KCNH4: variants seen among roughly 807,000 people sequenced by gnomAD.
KCNH4 encodes the protein potassium voltage-gated channel subfamily H member 4.
In KCNH4, 33 loss-of-function variants were observed where a neutral mutation model predicts 90.7. That is an observed-to-expected ratio of 0.36 (90% CI 0.28 to 0.49). The LOEUF (loss-of-function observed/expected upper bound fraction) is 0.49. Ranked by LOEUF, KCNH4 falls within the 20% of genes least tolerant of loss-of-function variation. The pLI, the probability that KCNH4 is intolerant of heterozygous loss-of-function variation, is 0.98. For missense variants in KCNH4, 1,044 were observed against 1,387.1 expected, an observed-to-expected ratio of 0.75 and a Z score of 3.93; for synonymous variants, 551 against 581.7, an observed-to-expected ratio of 0.95 and a Z score of 0.76.
chr17:42,165,665 G>A lies in KCNH4; in HGVS notation c.1869C>T (p.Ile623=), dbSNP rs373847382. 23 of 1,614,048 alleles carry A rather than the reference G, an allele frequency of 1.4e-5. No homozygotes were observed. In the Admixed American group the frequency reaches 3.5e-4, roughly 25 times the overall value. The part of the protein sequence containing the change: ...LGKGDLIGAD[I]PEPGQEPGLG... ...ACCCAGGCTCCTGCCCCGGCTCAGG[G>A]ATATCTGCTCCAATCAGGTCCCCCT... Residue 623 remains isoleucine (I), a synonymous_variant, in exon 11 of 17, where the codon ATC becomes ATT. Transcript: ENST00000264661.
intron 16 of KCNH4, among the ~76,000 whole-genome samples, chr17:42,158,510 G>A (rs1458910413): frequency 8.2e-5 from 12 of 145,862 alleles, no homozygotes; most frequent in Non-Finnish European, 1.5e-4. Flanking sequence ...CAGCCTGGGC[G>A]ACAGAGTGAG....
intron 1 of KCNH4, among the ~76,000 whole-genome samples, chr17:42,179,322 A>C (rs1250581969): frequency 2.0e-5 from 3 of 152,184 alleles, no homozygotes; most frequent in Non-Finnish European, 2.9e-5. Context: ...TCACTGTAGA[A>C]GGCAGTATAG....
At position 42,160,347 on chromosome 17, in the gene KCNH4, C is replaced by T. The variant is rs2079737423; in HGVS notation, c.2747G>A (p.Gly916Asp). ...GGTCCAAGCGGAGCCTGCTGGGTGG[C>T]CTGGGGGACCCAGCCTGGCCTGCAG... is the stretch of plus-strand genomic sequence containing the variant. ...GLLQARLGPP[G>D]HPAGSAWTPD... Residue 916 changes from glycine to aspartate, a missense_variant, in exon 16 of 17, where the codon GGC becomes GAC. This residue lies in a region of KCNH4 where 441 missense variants were observed against 512.3 expected (regional missense o/e 0.86). Transcript: ENST00000264661. 1 of 1,614,040 alleles carries T rather than the reference C, an allele frequency of 6.2e-7. No individual in the cohort carries two copies. The highest frequency in any genetic ancestry group is 8.5e-7 in the Non-Finnish European group (1 of 1,179,990).
At chr17:42,174,574 C>T (rs1372806850) in intron 6 of KCNH4, among the ~76,000 whole-genome samples, 2 of 152,120 alleles carry the variant, frequency 1.3e-5, no homozygotes, top group Non-Finnish European at 2.9e-5. Context: ...AGCCCGTTGG[C>T]GGCTAGTTAA....
Position 42,163,941 on chromosome 17 carries a change from G to T in KCNH4, c.2142C>A (p.Leu714=), listed in dbSNP as rs111383799. 1.3e-6 allele frequency: 2 copies of T among 1,541,614 alleles called. No individual in the cohort carries two copies. Among genetic ancestry groups the T allele is most frequent in the South Asian group, 1.2e-5 (1 of 83,196 alleles). Residue 714 remains leucine (L), a synonymous_variant, in exon 13 of 17, where the codon CTC becomes CTA. Transcript: ENST00000264661. This position sits in a 1 kb window ranked among gnomAD's most constrained non-coding sequence, Gnocchi z 5.4. Reference sequence around the variant, plus strand: ...GCAGCGTCTTGTCTGAGGAGGAGCCGAGGCTTTCTGAGCGGGGCTGCGGGC... The same window carrying T: ...GCAGCGTCTTGTCTGAGGAGGAGCCTAGGCTTTCTGAGCGGGGCTGCGGGC... The part of the protein sequence containing the change: ...PRLSQPRSES[L]GSSSDKTLPS...
chr17:42,172,018 G>A, intron 6 of KCNH4, 23 bp from the exon 7 acceptor site: 1 of 1,558,294 alleles, frequency 6.4e-7, no homozygotes, highest in Non-Finnish European at 8.7e-7. Context: ...GGCGGGGGAG[G>A]CTGTCAGCAG....
intron 9 of KCNH4, among the ~76,000 whole-genome samples, chr17:42,169,089 A>AT (rs199635663): frequency 0.052 from 6,526 of 124,322 alleles, 495 homozygotes; most frequent in African/African-American, 0.18. Context: ...TTATTTATTT[A>AT]TTTTTTTTGA....
In KCNH4 at chr17:42,180,993, C is replaced by A. The variant is rs748794104; in HGVS notation, c.-48G>T. ...GCGCGGCGCTGGGGAGCTTTCAGCGCGGCCGGGCCGGAGGGGGCGCGCTGT... is the reference window on the plus strand; with the variant it reads ...GCGCGGCGCTGGGGAGCTTTCAGCGAGGCCGGGCCGGAGGGGGCGCGCTGT... On this transcript the variant is annotated 5_prime_UTR_variant, in exon 1 of 17. Transcript: ENST00000264661. The surrounding 1 kb of genome is among the most constrained non-coding windows in gnomAD (Gnocchi z 4.7). The A allele has an allele frequency of 6.4e-7, 1 of 1,570,504 alleles. No individual in the cohort carries two copies. The highest frequency in any genetic ancestry group is 1.4e-5 in the African/African-American group (1 of 72,416).
At chr17:42,167,102 T>G (rs373619151) in intron 9 of KCNH4, among the ~76,000 whole-genome samples, 34 of 152,226 alleles carry the variant, frequency 2.2e-4, no homozygotes, top group African/African-American at 6.7e-4. Flanking sequence ...GGTTCCCTCC[T>G]GGTTCCTCCC....
rs182020452 is a variant in KCNH4 at position 42,158,449 on chromosome 17, T to C, written c.*309+1282A>G. Among the ~76,000 whole-genome samples the C allele has an allele frequency of 9.4e-3, 1,412 of 149,440 alleles. 30 individuals carry two copies. The highest frequency in any genetic ancestry group is 0.033 in the African/African-American group (1,336 of 40,524). On this transcript the variant is annotated intron_variant, in intron 16 of 16. Transcript: ENST00000264661. ...GGGAGGCTGAGGCAGGAGAATGGCG[T>C]GAACCCGGGAGGCGGAGTTTGCAGT...
intron 15 of KCNH4, 42 bp from the exon 16 acceptor site, chr17:42,160,477 A>G (rs200730235): frequency 2.6e-4 from 402 of 1,537,200 alleles, no homozygotes; most frequent in Non-Finnish European, 3.3e-4. Context: ...TGCCACAGTA[A>G]TAACAAGGTG....
chr17:42,170,353 C>G, intron 7 of KCNH4, 52 bp from the exon 8 acceptor site: 2 of 1,500,874 alleles, frequency 1.3e-6, no homozygotes, highest in Non-Finnish European at 1.8e-6. Context: ...GGTGGAGAAC[C>G]AGGGTTCCCT....
intron 9 of KCNH4, 101 bp downstream of exon 9, chr17:42,169,376 G>T: frequency 8.8e-7 from 1 of 1,139,336 alleles, no homozygotes; most frequent in South Asian, 1.4e-5. Context: ...AGCCGAGTTC[G>T]GCCTGCCTCC....
intron 14 of KCNH4, 77 bp from the exon 15 acceptor site, chr17:42,162,398 T>C: frequency 7.9e-7 from 1 of 1,269,326 alleles, no homozygotes; most frequent in Non-Finnish European, 1.1e-6. Flanking sequence ...AATCCTCCTG[T>C]CATTGGGCAG....
intron 8 of KCNH4, 105 bp from the exon 9 acceptor site, chr17:42,169,781 T>C: frequency 1.7e-6 from 2 of 1,185,472 alleles, no homozygotes; most frequent in Non-Finnish European, 2.4e-6. Context: ...GGCTCCTGTG[T>C]GCCTACCAGG....
chr17:42,160,766 T>C (rs910425885), intron 15 of KCNH4, among the ~76,000 whole-genome samples: 7 of 151,494 alleles, frequency 4.6e-5, no homozygotes, highest in Admixed American at 6.6e-5. Flanking sequence ...AGCTCAAGGG[T>C]CTCTATCAGT....
chr17:42,166,523 C>T lies in KCNH4; in HGVS notation c.1614G>A (p.Glu538=). Residue 538 remains glutamate, a synonymous_variant, in exon 10 of 17, where the codon GAG becomes GAA. Transcript: ENST00000264661. ...GGTGCATAGCAATGTCAGCTCTCAG[C>T]TCGTCTGGGAAGTCACGCAGTAACT... ...ANELLRDFPD[E]LRADIAMHLN... is the part of the protein sequence containing the mutation. The T allele has an allele frequency of 6.2e-7, 1 of 1,613,024 alleles. No homozygotes were observed. The highest frequency in any genetic ancestry group is 8.5e-7 in the Non-Finnish European group (1 of 1,179,080).
chr17:42,176,509 CTTTTTTTTTTTTTTTTTTTT>C (rs869250233), intron 4 of KCNH4, among the ~76,000 whole-genome samples: 3 of 68,466 alleles, frequency 4.4e-5, no homozygotes, highest in Admixed American at 3.3e-4. Context: ...GGCCCTCCTC[CTTTTTTTTTTTTTTTTTTTT>C]TTTTTTTTTT....
chr17:42,165,151 G>A (rs1294969446), intron 11 of KCNH4, among the ~76,000 whole-genome samples: 1 of 151,988 alleles, frequency 6.6e-6, no homozygotes, highest in African/African-American at 2.4e-5. Context: ...AAAACAAAGG[G>A]AGGGTCCTTT....
Sources: allele counts gnomAD v4.1 joint callset (sites outside exome capture counted in the v4.1 genomes callset), GRCh38; gene constraint gnomAD v4.1.1; regional missense constraint gnomAD v4.1.1; non-coding constraint Gnocchi (gnomAD v3.1); transcripts MANE v1.5; gene names NCBI Gene and HGNC (gene_info 2026-07-23, HGNC 2026-07-21).